GOLM2: variants seen among roughly 807,000 people sequenced by gnomAD.
GOLM2 encodes golgi membrane protein 2.
GOLM2 carries 26 observed loss-of-function variants against 55.9 expected under a neutral mutation model. The observed-to-expected ratio is 0.47, with a 90% CI of 0.34 to 0.65. GOLM2 has a LOEUF of 0.65. Ranked by LOEUF, GOLM2 falls within the 30% of genes least tolerant of loss-of-function variation. The pLI is 0.01. For missense variants in GOLM2, 486 were observed against 531.8 expected (o/e 0.91, Z 0.85); for synonymous variants, 165 against 194.6 (o/e 0.85, Z 1.27).
intron 9 of GOLM2, among the ~76,000 whole-genome samples, chr15:44,411,615 G>A (rs1325863195): frequency 6.6e-6 from 1 of 152,020 alleles, no homozygotes; most frequent in Non-Finnish European, 1.5e-5. Context: ...GCTGAGGCAG[G>A]TAGATCACAA....
chr15:44,312,672 G>A (rs765005894), intron 1 of GOLM2, among the ~76,000 whole-genome samples: 11 of 152,072 alleles, frequency 7.2e-5, no homozygotes, highest in African/African-American at 1.4e-4. Context: ...CTGGCCTGGC[G>A]CGGTGGCTCA....
At chr15:44,365,517 T>C (rs2079277630) in intron 6 of GOLM2, among the ~76,000 whole-genome samples, 1 of 151,390 alleles carries the variant, frequency 6.6e-6, no homozygotes, top group African/African-American at 2.4e-5. Context: ...AGAACCTGTG[T>C]CAAAAACAAA....
intron 1 of GOLM2, chr15:44,308,126 A>G (rs972979868): frequency 1.6e-4 from 24 of 152,336 alleles, no homozygotes; most frequent in African/African-American, 5.8e-4. Context: ...GTACATTCAC[A>G]ATGTTGTGTA....
At chr15:44,364,081 A>C (rs1407758376) in intron 6 of GOLM2, among the ~76,000 whole-genome samples, 7 of 152,256 alleles carry the variant, frequency 4.6e-5, no homozygotes, top group Non-Finnish European at 7.4e-5. Context: ...ATTGGGAGAT[A>C]TACCTAATGC....
In GOLM2 at chr15:44,288,976, TCTGCCTGCAGGTGTCTG is replaced by T. The variant is rs780563057; in HGVS notation, c.-52_-36del. On this transcript the variant is annotated 5_prime_UTR_variant, in exon 1 of 10. Transcript: ENST00000299957. The stretch of plus-strand genomic sequence containing the variant: ...GGCAACTCCAGCCGAGGCCTGGGCT[TCTGCCTGCAGGTGTCTG>T]CGGCGAGGCCCCTAGGGTACAGCCC... 1.1e-3 allele frequency: 1,711 copies of T among 1,510,886 alleles called. No individual in the cohort carries two copies. The highest frequency in any genetic ancestry group is 1.4e-3 in the Non-Finnish European group (1,560 of 1,113,350). 93.6% of individuals were successfully genotyped at this position (1,510,886 alleles called of 1,614,324 possible).
At position 44,289,061 on chromosome 15, in the gene GOLM2, G is replaced by T. The variant is rs2078700891; in HGVS notation, c.32G>T (p.Gly11Val). 6.2e-7 allele frequency: 1 copy of T among 1,613,720 alleles called. No individual in the cohort carries two copies. Among genetic ancestry groups the T allele is most frequent in the Non-Finnish European group, 8.5e-7 (1 of 1,179,828 alleles). MVGFGANRRAGRLPSLVLVVL... is the reference protein window; with the variant it reads MVGFGANRRAVRLPSLVLVVL... The stretch of plus-strand genomic sequence containing the variant: ...GGTTTCGGGGCCAACCGGCGGGCTG[G>T]CCGCCTGCCCTCTCTCGTGCTGGTG... The change falls in exon 1 of 10, where the codon GGC becomes GTC. Residue 11 changes from glycine to valine, a missense_variant. By Grantham distance (109) the Gly-to-Val change is moderately radical (BLOSUM62 -3). Coordinates refer to ENST00000299957, the MANE Select transcript of GOLM2 (RefSeq NM_138423.4). The surrounding 1 kb of genome is among the most constrained non-coding windows in gnomAD (Gnocchi z 4.8).
rs965783383 is a variant in GOLM2, at chr15:44,289,701, G to C, written c.327+345G>C. Among the ~76,000 whole-genome samples, 1 of 152,188 alleles carries C rather than the reference G, an allele frequency of 6.6e-6. No individual in the cohort carries two copies. Among genetic ancestry groups the C allele is most frequent in the African/African-American group, 2.4e-5 (1 of 41,440 alleles). On this transcript the variant is annotated intron_variant, in intron 1 of 9. Transcript: ENST00000299957. This position sits in a 1 kb window ranked among gnomAD's most constrained non-coding sequence, Gnocchi z 4.8. ...GACACACAAATCTGGCGACTGCCAG[G>C]TTTGGTGTGGTTATTGTCTCATTTT...
intron 1 of GOLM2, among the ~76,000 whole-genome samples, chr15:44,322,634 G>T (rs966352288): frequency 3.9e-5 from 6 of 152,174 alleles, no homozygotes; most frequent in African/African-American, 1.4e-4. Context: ...ATACTTTTAA[G>T]TTCTTAGTAT....
At chr15:44,292,486 G>A (rs1016789385) in intron 1 of GOLM2, among the ~76,000 whole-genome samples, 2 of 152,016 alleles carry the variant, frequency 1.3e-5, no homozygotes, top group Non-Finnish European at 2.9e-5. Flanking sequence ...GTGAGCCACC[G>A]CACCCGGCTA....
chr15:44,295,114 C>G (rs1372694250), intron 1 of GOLM2, among the ~76,000 whole-genome samples: 1 of 150,344 alleles, frequency 6.7e-6, no homozygotes, highest in Non-Finnish European at 1.5e-5. Flanking sequence ...GAGCCTCACT[C>G]TGTCACCCAG....
At chr15:44,303,718 A>T (rs1229036742) in intron 1 of GOLM2, among the ~76,000 whole-genome samples, 2 of 149,346 alleles carry the variant, frequency 1.3e-5, no homozygotes, top group East Asian at 3.9e-4. Context: ...AACTTGTGCC[A>T]TCACACCTGG....
intron 2 of GOLM2, among the ~76,000 whole-genome samples, chr15:44,327,844 A>G (rs1567026371): frequency 6.6e-6 from 1 of 152,220 alleles, no homozygotes; most frequent in Admixed American, 6.5e-5. Context: ...CACATGATTC[A>G]TTTCCACTAA....
At chr15:44,293,377 C>T (rs539481042) in intron 1 of GOLM2, among the ~76,000 whole-genome samples, 1 of 152,284 alleles carries the variant, frequency 6.6e-6, no homozygotes, top group Admixed American at 6.5e-5. Flanking sequence ...TTATGAAAGT[C>T]CGTACTTTAT....
chr15:44,383,533 C>G (rs1264488092), intron 8 of GOLM2, among the ~76,000 whole-genome samples: 2 of 151,816 alleles, frequency 1.3e-5, no homozygotes, highest in African/African-American at 4.8e-5. Context: ...ATCATTTATT[C>G]TGGTGGCCTA....
intron 6 of GOLM2, among the ~76,000 whole-genome samples, chr15:44,340,564 C>T (rs2079084805): frequency 2.0e-5 from 3 of 151,614 alleles, no homozygotes; most frequent in South Asian, 2.1e-4. Flanking sequence ...AGCTGTAATT[C>T]GGTGATTTTT....
At chr15:44,375,218 G>A (rs1282179579) in intron 6 of GOLM2, among the ~76,000 whole-genome samples, 2 of 151,766 alleles carry the variant, frequency 1.3e-5, no homozygotes, top group African/African-American at 2.4e-5. Flanking sequence ...ACGGGGTTTC[G>A]CCATGTTGGC....
At chr15:44,386,908 C>A (rs1400456838) in intron 8 of GOLM2, among the ~76,000 whole-genome samples, 1 of 152,052 alleles carries the variant, frequency 6.6e-6, no homozygotes, top group East Asian at 1.9e-4. Context: ...AGTGCGGTGG[C>A]TCATGCCTGT....
At chr15:44,361,465 C>T (rs929019234) in intron 6 of GOLM2, among the ~76,000 whole-genome samples, 9 of 150,866 alleles carry the variant, frequency 6.0e-5, no homozygotes, top group African/African-American at 9.7e-5. Flanking sequence ...ATAAATTCCT[C>T]GACACATACA....
chr15:44,301,658 T>G (rs541131029), intron 1 of GOLM2, among the ~76,000 whole-genome samples: 5 of 152,118 alleles, frequency 3.3e-5, no homozygotes, highest in Admixed American at 1.3e-4. Context: ...GAGGCAAAGA[T>G]TGAGTGAGAG....
Sources: allele counts gnomAD v4.1 joint callset (sites outside exome capture counted in the v4.1 genomes callset), GRCh38; gene constraint gnomAD v4.1.1; non-coding constraint Gnocchi (gnomAD v3.1); transcripts MANE v1.5; gene names NCBI Gene and HGNC (gene_info 2026-07-23, HGNC 2026-07-21).